MTUS2: variants seen among roughly 807,000 people sequenced by gnomAD.
The protein encoded by MTUS2 is microtubule-associated tumor suppressor candidate 2.
In MTUS2, 40 loss-of-function variants were observed where a neutral mutation model predicts 114.1. The observed-to-expected ratio is 0.35, with a 90% CI of 0.27 to 0.46. The LOEUF is 0.46. Ranked by LOEUF, MTUS2 falls within the 20% of genes least tolerant of loss-of-function variation. The pLI, the probability that MTUS2 is intolerant of heterozygous loss-of-function variation, is 1.00. For missense variants in MTUS2, 1,679 were observed against 1,705.4 expected (o/e 0.98, Z 0.27); for synonymous variants, 688 against 672.0 (o/e 1.02, Z -0.37).
intron 2 of MTUS2, among the ~76,000 whole-genome samples, chr13:28,854,629 T>C (rs1223857217): frequency 6.6e-6 from 1 of 152,206 alleles, no homozygotes; most frequent in Non-Finnish European, 1.5e-5. Context: ...AAAAATAATA[T>C]ATACCCGCCC....
chr13:29,473,807 G>A lies in MTUS2; in HGVS notation c.3185-6343G>A, dbSNP rs555355517. On this transcript the variant is annotated intron_variant, in intron 9 of 15. Coordinates refer to ENST00000612955, the MANE Select transcript of MTUS2 (RefSeq NM_001033602.4). ...TTTCTCAGCTCCCTAGATTGTAGGG[G>A]TTTATGATAGTGGTGTCTGCCTTTC... Among the ~76,000 whole-genome samples, 84 of 152,250 alleles carry A rather than the reference G, an allele frequency of 5.5e-4. 1 individual carries two copies. In the South Asian group the frequency reaches 0.016, roughly 30 times the overall value.
At chr13:29,236,200 G>T (rs371243836) in intron 5 of MTUS2, among the ~76,000 whole-genome samples, 3 of 151,878 alleles carry the variant, frequency 2.0e-5, no homozygotes, top group Non-Finnish European at 4.4e-5. Flanking sequence ...AATTGCCGGG[G>T]GCAATTCTTT....
chr13:29,094,839 C>G (rs1294349652), intron 4 of MTUS2, among the ~76,000 whole-genome samples: 1 of 151,932 alleles, frequency 6.6e-6, no homozygotes, highest in African/African-American at 2.4e-5. Flanking sequence ...TCCTTTTAAG[C>G]ATTGCTTTAG....
chr13:29,164,343 C>G (rs1403162067), intron 5 of MTUS2, among the ~76,000 whole-genome samples: 1 of 152,194 alleles, frequency 6.6e-6, no homozygotes, highest in Non-Finnish European at 1.5e-5. Flanking sequence ...ATCATTATTT[C>G]TGTCCTGAAG....
intron 5 of MTUS2, among the ~76,000 whole-genome samples, chr13:29,111,019 C>T (rs565629241): frequency 4.4e-4 from 67 of 152,194 alleles, no homozygotes; most frequent in African/African-American, 1.6e-3. Flanking sequence ...TCATAAAGTT[C>T]AGAGGGATTG....
At position 29,299,828 on chromosome 13, in the gene MTUS2, G is replaced by A. The variant is rs756731686; in HGVS notation, c.2806+17963G>A. ...CATTTTTTTCCAAGCCCTCTATGGAGAAACTTGCAAGCTGTGAAATGGTCT... is the reference window on the plus strand; with the variant it reads ...CATTTTTTTCCAAGCCCTCTATGGAAAAACTTGCAAGCTGTGAAATGGTCT... On this transcript the variant is annotated intron_variant, in intron 6 of 15. Coordinates refer to ENST00000612955, the MANE Select transcript of MTUS2 (RefSeq NM_001033602.4). Among the ~76,000 whole-genome samples the A allele has an allele frequency of 7.2e-5, 11 of 151,908 alleles. 1 individual carries two copies. In the South Asian group the frequency reaches 8.3e-4, roughly 11 times the overall value.
chr13:29,359,237 CG>C, intron 7 of MTUS2, 24 bp from the exon 8 acceptor site: 1 of 1,564,100 alleles, frequency 6.4e-7, no homozygotes. Context: ...CACAGGTGAC[CG>C]GGGTTTGGTT....
chr13:29,138,720 A>G (rs1892090335), intron 5 of MTUS2, among the ~76,000 whole-genome samples: 1 of 110,670 alleles, frequency 9.0e-6, no homozygotes, highest in Non-Finnish European at 2.3e-5. Flanking sequence ...AATTTATGAT[A>G]AATAAATTTT....
chr13:29,258,158 G>A (rs1172419655), intron 5 of MTUS2, among the ~76,000 whole-genome samples: 2 of 152,182 alleles, frequency 1.3e-5, no homozygotes, highest in Non-Finnish European at 2.9e-5. Context: ...GGCATTGAAT[G>A]GAATGAGTTC....
rs529282356 is a variant in MTUS2, at chr13:29,422,910, G to A, written c.3118-17073G>A. On this transcript the variant is annotated intron_variant, in intron 8 of 15. Coordinates refer to ENST00000612955, the MANE Select transcript of MTUS2 (RefSeq NM_001033602.4). ...CTCCCAAAGTGCTGGGATTACAGGC[G>A]TGAGTCACCACGCCCAGCCCATGGT... Among the ~76,000 whole-genome samples, 333 of 152,238 alleles carry A rather than the reference G, an allele frequency of 2.2e-3. 1 individual carries two copies. Among genetic ancestry groups the A allele is most frequent in the African/African-American group, 7.8e-3 (326 of 41,570 alleles).
At chr13:29,392,221 C>A (rs1335420802) in intron 8 of MTUS2, among the ~76,000 whole-genome samples, 2 of 151,950 alleles carry the variant, frequency 1.3e-5, no homozygotes, top group East Asian at 3.9e-4. Context: ...AATAACTCCC[C>A]ATTCCCCTCT....
At chr13:29,146,311 GAT>G (rs916022310) in intron 5 of MTUS2, among the ~76,000 whole-genome samples, 1 of 152,160 alleles carries the variant, frequency 6.6e-6, no homozygotes, top group Admixed American at 6.5e-5. Context: ...TTCTAATACT[GAT>G]ATCTATACAT....
chr13:29,364,977 A>G (rs552410561), intron 8 of MTUS2, among the ~76,000 whole-genome samples: 12 of 152,372 alleles, frequency 7.9e-5, no homozygotes, highest in Admixed American at 3.9e-4. Context: ...TCTGACAGCT[A>G]TTCAGCACAT....
chr13:28,943,279 G>A (rs1882344210), intron 2 of MTUS2, among the ~76,000 whole-genome samples: 1 of 152,148 alleles, frequency 6.6e-6, no homozygotes, highest in Non-Finnish European at 1.5e-5. Context: ...ATTATTCATT[G>A]GATAAACATT....
chr13:29,174,561 G>A (rs1312650533), intron 5 of MTUS2, among the ~76,000 whole-genome samples: 1 of 152,124 alleles, frequency 6.6e-6, no homozygotes, highest in Non-Finnish European at 1.5e-5. Context: ...TAAAAGATTA[G>A]CCAAACTGCA....
intron 4 of MTUS2, among the ~76,000 whole-genome samples, chr13:29,064,639 C>T (rs1888579862): frequency 6.6e-6 from 1 of 151,898 alleles, no homozygotes; most frequent in African/African-American, 2.4e-5. Flanking sequence ...ATTTTTTAAA[C>T]TTTTATTTTA....
intron 2 of MTUS2, among the ~76,000 whole-genome samples, chr13:28,927,035 T>G (rs895932822): frequency 6.6e-6 from 1 of 152,202 alleles, no homozygotes; most frequent in Non-Finnish European, 1.5e-5. Context: ...TGCAGAAAGG[T>G]AGCACAGCAT....
chr13:29,275,316 T>G (rs1006086264), intron 5 of MTUS2, among the ~76,000 whole-genome samples: 1 of 152,204 alleles, frequency 6.6e-6, no homozygotes, highest in Non-Finnish European at 1.5e-5. Flanking sequence ...TGCATAATAA[T>G]CAAATCAGGT....
chr13:29,349,423 TTTAAAGAA>T (rs1193525634), intron 7 of MTUS2, among the ~76,000 whole-genome samples: 1 of 152,162 alleles, frequency 6.6e-6, no homozygotes, highest in African/African-American at 2.4e-5. Context: ...TCAGTTTTCT[TTTAAAGAA>T]ATTTAAATAA....
Sources: allele counts gnomAD v4.1 joint callset (sites outside exome capture counted in the v4.1 genomes callset), GRCh38; gene constraint gnomAD v4.1.1; transcripts MANE v1.5; gene names NCBI Gene and HGNC (gene_info 2026-07-23, HGNC 2026-07-21).